Variants in GRIN2B observed in about 807,000 individuals in gnomAD.
GRIN2B encodes glutamate receptor ionotropic, NMDA 2B.
Under a neutral mutation model 114.5 loss-of-function variants are expected in GRIN2B, and 5 were observed. The observed-to-expected ratio is 0.04, with a 90% CI of 0.02 to 0.09. The LOEUF (loss-of-function observed/expected upper bound fraction) is 0.09. Among genes scored for constraint, GRIN2B ranks in the 10% least tolerant of loss-of-function variants. The pLI, the probability that GRIN2B is intolerant of heterozygous loss-of-function variation, is 1.00. For synonymous variants in GRIN2B, 787 were observed against 745.1 expected, an observed-to-expected ratio of 1.06 and a Z score of -0.92; for missense variants, 1,108 against 1,943.5, an observed-to-expected ratio of 0.57 and a Z score of 8.08.
chr12:13,917,748 C>T (rs1417293910), intron 2 of GRIN2B, among the ~76,000 whole-genome samples: 2 of 152,106 alleles, frequency 1.3e-5, no homozygotes, highest in Non-Finnish European at 2.9e-5. Flanking sequence ...TCAAAACCAG[C>T]CTATAATTTT....
chr12:13,955,811 G>A (rs1003018058), intron 2 of GRIN2B, among the ~76,000 whole-genome samples: 1 of 152,134 alleles, frequency 6.6e-6, no homozygotes, highest in Non-Finnish European at 1.5e-5. Flanking sequence ...CCCATTTAAT[G>A]TGCCTGCTGT....
intron 3 of GRIN2B, among the ~76,000 whole-genome samples, chr12:13,821,029 G>A (rs75126868): frequency 0.051 from 7,747 of 151,332 alleles, 542 homozygotes; most frequent in African/African-American, 0.16. Context: ...ACTTGCTACC[G>A]TACAAAGTTT....
In GRIN2B at chr12:13,551,810, G is replaced by A. The variant is rs1484370692; in HGVS notation, c.*10973C>T. ...GAGGCAACCTAATGGCCAGGTCTCT[G>A]GTTTGCAGAGGGTTCTTATGTCATG... On this transcript the variant is annotated 3_prime_UTR_variant, in exon 14 of 14. Coordinates refer to ENST00000609686, the MANE Select transcript of GRIN2B (RefSeq NM_000834.5). 6.6e-6 allele frequency: 1 copy of A among 152,158 alleles called. No individual in the cohort carries two copies. The highest frequency in any genetic ancestry group is 1.5e-5 in the Non-Finnish European group (1 of 68,014). 9.4% of individuals were successfully genotyped at this position (152,158 alleles called of 1,614,324 possible). A position where few individuals can be genotyped will look rare whatever the true frequency, so the allele number is the denominator to read the frequency against.
intron 2 of GRIN2B, among the ~76,000 whole-genome samples, chr12:13,975,771 G>C (rs1363058293): frequency 2.0e-5 from 3 of 152,152 alleles, no homozygotes; most frequent in Admixed American, 6.5e-5. Flanking sequence ...AAACTTCTTA[G>C]GGAAACAGGG....
At chr12:13,793,144 C>G (rs550552776) in intron 3 of GRIN2B, among the ~76,000 whole-genome samples, 6 of 151,552 alleles carry the variant, frequency 4.0e-5, no homozygotes, top group Non-Finnish European at 5.9e-5. Context: ...CAGTGGCTCA[C>G]GCCTGTAATC....
Position 13,545,241 on chromosome 12 carries a change from T to A in GRIN2B, c.*17542A>T, listed in dbSNP as rs1036282212. ...AATGTCATCTTTGCTTACTCAAAAA[T>A]AGCAACCCCACACCCATCCTATCAT... On this transcript the variant is annotated 3_prime_UTR_variant, in exon 14 of 14. Coordinates refer to ENST00000609686, the MANE Select transcript of GRIN2B (RefSeq NM_000834.5). 6.6e-6 allele frequency: 1 copy of A among 152,202 alleles called. No homozygotes were observed. Among genetic ancestry groups the A allele is most frequent in the African/African-American group, 2.4e-5 (1 of 41,440 alleles). 9.4% of individuals were successfully genotyped at this position (152,202 alleles called of 1,614,324 possible). A position where few individuals can be genotyped will look rare whatever the true frequency, so the allele number is the denominator to read the frequency against.
rs569827449 is a variant in GRIN2B, at chr12:13,676,709, G to A, written c.1011-850C>T. 8.5e-5 allele frequency among the ~76,000 whole-genome samples: 13 copies of A among 152,230 alleles called. No individual in the cohort carries two copies. In the South Asian group the frequency reaches 2.7e-3, roughly 32 times the overall value. ...GCCTAGAGTCTCCCTCTATCCCAGA[G>A]ATATGCACATACTCTTTAACTCTTG... On this transcript the variant is annotated intron_variant, in intron 4 of 13. Transcript: ENST00000609686.
intron 4 of GRIN2B, among the ~76,000 whole-genome samples, chr12:13,740,617 G>A (rs1454696492): frequency 6.6e-6 from 1 of 152,030 alleles, no homozygotes; most frequent in Non-Finnish European, 1.5e-5. Flanking sequence ...CATGGCAGAG[G>A]CCAAGGTCTT....
chr12:13,601,851 G>A (rs115533484), intron 10 of GRIN2B, among the ~76,000 whole-genome samples: 1 of 152,204 alleles, frequency 6.6e-6, no homozygotes, highest in Non-Finnish European at 1.5e-5. Context: ...ATGTTGAACT[G>A]AAGTTAAGGA....
chr12:13,632,780 G>A (rs1949627500), intron 5 of GRIN2B, among the ~76,000 whole-genome samples: 1 of 152,206 alleles, frequency 6.6e-6, no homozygotes, highest in Non-Finnish European at 1.5e-5. Context: ...AGATCTGGAA[G>A]TGACCTAGAA....
chr12:13,968,725 A>C (rs1034517395), intron 2 of GRIN2B, among the ~76,000 whole-genome samples: 5 of 152,210 alleles, frequency 3.3e-5, no homozygotes, highest in African/African-American at 1.2e-4. Flanking sequence ...TTAATAGCTG[A>C]TAGAGATATT....
At position 13,567,316 on chromosome 12, in the gene GRIN2B, G is replaced by T. The variant is rs530546183; in HGVS notation, c.2360-53C>A. ...GATAAAAAGAGGAGACAGGAAAGGA[G>T]CAGAGAAAAGGGAGAAAGAGGAGTA... On this transcript the variant is annotated intron_variant, in intron 12 of 13. Transcript: ENST00000609686. The T allele has an allele frequency of 4.5e-5, 59 of 1,303,518 alleles. 1 individual carries two copies. In the East Asian group the frequency reaches 1.1e-3, roughly 25 times the overall value. 80.7% of individuals were successfully genotyped at this position (1,303,518 alleles called of 1,614,324 possible).
intron 2 of GRIN2B, among the ~76,000 whole-genome samples, chr12:13,934,415 G>A (rs113512505): frequency 1.5e-4 from 23 of 152,160 alleles, no homozygotes; most frequent in South Asian, 2.1e-4. Context: ...GTTAATGGTG[G>A]GATGTGACAG....
intron 10 of GRIN2B, among the ~76,000 whole-genome samples, chr12:13,575,775 G>A (rs140249567): frequency 6.6e-6 from 1 of 152,130 alleles, no homozygotes; most frequent in Non-Finnish European, 1.5e-5. Flanking sequence ...ATTTGGATTT[G>A]GATTTCAGCT....
At chr12:13,693,938 A>G (rs1231623037) in intron 4 of GRIN2B, among the ~76,000 whole-genome samples, 1 of 152,128 alleles carries the variant, frequency 6.6e-6, no homozygotes, top group Non-Finnish European at 1.5e-5. Flanking sequence ...TACCATCTAG[A>G]GGAGTCTGCT....
intron 3 of GRIN2B, among the ~76,000 whole-genome samples, chr12:13,769,108 A>G (rs192638824): frequency 1.1e-4 from 17 of 152,290 alleles, no homozygotes; most frequent in Admixed American, 5.9e-4. Flanking sequence ...GTTTTACAGT[A>G]TCATTCTTGG....
intron 3 of GRIN2B, among the ~76,000 whole-genome samples, chr12:13,755,562 G>A (rs1027540562): frequency 5.3e-5 from 8 of 152,096 alleles, no homozygotes; most frequent in African/African-American, 1.9e-4. Flanking sequence ...AAGCAGGGAG[G>A]GTGAGGCACC....
chr12:13,692,760 C>CTTTCTTTCTTTTTTTTTT (rs1427827056), intron 4 of GRIN2B, among the ~76,000 whole-genome samples: 1 of 52,122 alleles, frequency 1.9e-5, no homozygotes, highest in Non-Finnish European at 3.6e-5. Flanking sequence ...TCTTTCTTTT[C>CTTTCTTTCTTTTTTTTTT]TTTTTTTTTT....
chr12:13,641,181 C>T (rs1302463726), intron 5 of GRIN2B, among the ~76,000 whole-genome samples: 9 of 152,006 alleles, frequency 5.9e-5, no homozygotes. Flanking sequence ...AAGTAATTCT[C>T]TTGCCTCAGT....
Sources: gnomAD v4.1 joint callset for allele counts (sites outside exome capture counted in the v4.1 genomes callset) on GRCh38, gnomAD v4.1.1 for gene constraint, MANE v1.5 for transcripts, NCBI Gene and HGNC (gene_info 2026-07-23, HGNC 2026-07-21) for gene names.